Variants in CDR2 observed in about 807,000 individuals in gnomAD.
CDR2 encodes cerebellar degeneration related protein 2, also known as cerebellar degeneration-related protein 2.
In CDR2, 34 loss-of-function variants were observed where a neutral mutation model predicts 48.4. The ratio of observed to expected loss-of-function variants is 0.70; its 90% CI spans 0.53 to 0.94. CDR2 has a LOEUF of 0.94. CDR2 is among the 40% of genes least tolerant of loss of function. The pLI is 0.00. For missense variants in CDR2, 498 were observed against 549.5 expected (o/e 0.91, Z 0.94); for synonymous variants, 240 against 219.7 (o/e 1.09, Z -0.82).
At chr16:22,364,760 G>A in intron 2 of CDR2, 142 bp downstream of exon 2, 1 of 550,320 alleles carries the variant, frequency 1.8e-6, no homozygotes, top group Non-Finnish European at 3.3e-6. Context: ...CTACTCGGGA[G>A]GCGGTTCTCA....
intron 2 of CDR2, among the ~76,000 whole-genome samples, chr16:22,359,105 T>G (rs2048995067): frequency 6.6e-6 from 1 of 152,170 alleles, no homozygotes. Flanking sequence ...CCATACAAAT[T>G]TTTAAAGACT....
Position 22,374,311 on chromosome 16 carries a change from T to C in CDR2, c.-2A>G, listed in dbSNP as rs200157629. On this transcript the variant is annotated 5_prime_UTR_variant, in exon 1 of 5. Transcript: ENST00000268383. ...CTCTACCAGGTTTTCCGCCAGCATCTCGGCTGGGTCTTCTAGGGGCAGCGG... is the reference window on the plus strand; with the variant it reads ...CTCTACCAGGTTTTCCGCCAGCATCCCGGCTGGGTCTTCTAGGGGCAGCGG... 309 of 1,594,886 alleles carry C rather than the reference T, an allele frequency of 1.9e-4. No individual in the cohort carries two copies. The highest frequency in any genetic ancestry group is 2.5e-4 in the Non-Finnish European group (294 of 1,170,968).
chr16:22,357,383 T>G (rs1286689794), intron 2 of CDR2, among the ~76,000 whole-genome samples: 1 of 152,172 alleles, frequency 6.6e-6, no homozygotes, highest in East Asian at 1.9e-4. Flanking sequence ...AAGGCTCTTG[T>G]GTATCTAGTC....
chr16:22,360,280 T>A (rs545310048), intron 2 of CDR2, among the ~76,000 whole-genome samples: 45 of 152,278 alleles, frequency 3.0e-4, no homozygotes, highest in African/African-American at 1.0e-3. Context: ...ATTATCTAAG[T>A]TTTTCAAATT....
At chr16:22,351,232 T>G (rs1480073912) in intron 2 of CDR2, among the ~76,000 whole-genome samples, 16 of 152,264 alleles carry the variant, frequency 1.1e-4, no homozygotes. Flanking sequence ...ATGGTGTACA[T>G]GTGCCACATT....
intron 3 of CDR2, 113 bp downstream of exon 3, chr16:22,349,588 T>G: frequency 7.1e-7 from 1 of 1,415,520 alleles, no homozygotes. Flanking sequence ...CCAAAAAGAA[T>G]TAAATTAAAC....
intron 2 of CDR2, among the ~76,000 whole-genome samples, chr16:22,355,061 T>C (rs1463595574): frequency 6.6e-6 from 1 of 152,206 alleles, no homozygotes; most frequent in Non-Finnish European, 1.5e-5. Flanking sequence ...CGTCCTCCAA[T>C]CATTTTAAAG....
chr16:22,371,544 C>G (rs1021941586), intron 1 of CDR2, among the ~76,000 whole-genome samples: 4 of 152,034 alleles, frequency 2.6e-5, no homozygotes, highest in African/African-American at 9.7e-5. Flanking sequence ...AGGGCCCAGG[C>G]GAATACCTGG....
chr16:22,353,428 T>G (rs1266286495), intron 2 of CDR2, among the ~76,000 whole-genome samples: 1 of 152,180 alleles, frequency 6.6e-6, no homozygotes, highest in Non-Finnish European at 1.5e-5. Context: ...TAATGTGAGT[T>G]CTCCTCATCA....
rs1011551762 is a variant in CDR2, at chr16:22,364,797, T to C, written c.192+105A>G. 11 of 641,122 alleles carry C rather than the reference T, an allele frequency of 1.7e-5. No homozygotes were observed. In the African/African-American group the frequency reaches 2.0e-4, roughly 12 times the overall value. 39.7% of individuals were successfully genotyped at this position (641,122 alleles called of 1,614,324 possible). A position where few individuals can be genotyped will look rare whatever the true frequency, so the allele number is the denominator to read the frequency against. The stretch of plus-strand genomic sequence containing the variant: ...TCTCAAAAAAGTTTGTGTTAAAAAA[T>C]AAAATGCTGCATCTAATTGCAAGTG... On this transcript the variant is annotated intron_variant, in intron 2 of 4. Coordinates refer to ENST00000268383, the MANE Select transcript of CDR2 (RefSeq NM_001802.2).
chr16:22,364,662 A>C (rs940510770), intron 2 of CDR2, among the ~76,000 whole-genome samples: 3 of 152,138 alleles, frequency 2.0e-5, no homozygotes, highest in Non-Finnish European at 4.4e-5. Context: ...CAGGAGTTCG[A>C]GACCAGCCTG....
intron 2 of CDR2, among the ~76,000 whole-genome samples, chr16:22,353,261 G>A (rs749127668): frequency 5.9e-5 from 9 of 152,168 alleles, no homozygotes; most frequent in South Asian, 2.1e-4. Context: ...GTGAAAGGCC[G>A]ATTCATGAAT....
In CDR2 at chr16:22,365,088, A is replaced by T. The variant is rs1029382133; in HGVS notation, c.80-74T>A. 3.1e-6 allele frequency: 3 copies of T among 973,638 alleles called. No individual in the cohort carries two copies. The African/African-American group carries it at 4.8e-5, about 16-fold the overall frequency. 60.3% of individuals were successfully genotyped at this position (973,638 alleles called of 1,614,324 possible). ...CAATTTATATAACCCAGTCCTTCAA[A>T]AAAGAACATGTAGTTTAAGTCACAT... On this transcript the variant is annotated intron_variant, in intron 1 of 4. Coordinates refer to ENST00000268383, the MANE Select transcript of CDR2 (RefSeq NM_001802.2).
At position 22,372,274 on chromosome 16, in the gene CDR2, C is replaced by T. The variant is rs558301752; in HGVS notation, c.79+1957G>A. On this transcript the variant is annotated intron_variant, in intron 1 of 4. Transcript: ENST00000268383. Reference sequence around the variant, plus strand: ...ACCCTGACACGTTGCACTTGCTGCTCGGTAGATTGAAGTGTTACAGCTGTT... The same window carrying T: ...ACCCTGACACGTTGCACTTGCTGCTTGGTAGATTGAAGTGTTACAGCTGTT... 2.6e-5 allele frequency among the ~76,000 whole-genome samples: 4 copies of T among 152,256 alleles called. No individual in the cohort carries two copies. The South Asian group carries it at 6.2e-4, about 24-fold the overall frequency.
At chr16:22,368,892 G>C (rs917658270) in intron 1 of CDR2, 5 of 152,142 alleles carry the variant, frequency 3.3e-5, no homozygotes, top group African/African-American at 1.2e-4. Flanking sequence ...ACAACCCCAG[G>C]CAAGTTAATA....
chr16:22,374,388 T>TCCGCCCTCAGCCAGAG lies in CDR2; in HGVS notation c.-95_-80dup. ...CTGCCCCGGGCTCTTCCCCGGCCCC[T>TCCGCCCTCAGCCAGAG]CCGCCCTCAGCCAGAGCCGCCCTCG... On this transcript the variant is annotated 5_prime_UTR_variant, in exon 1 of 5. Coordinates refer to ENST00000268383, the MANE Select transcript of CDR2 (RefSeq NM_001802.2). The TCCGCCCTCAGCCAGAG allele has an allele frequency of 4.2e-6, 4 of 961,454 alleles. No homozygotes were observed. The Admixed American group carries it at 1.1e-4, about 26-fold the overall frequency. 59.6% of individuals were successfully genotyped at this position (961,454 alleles called of 1,614,324 possible). A position where few individuals can be genotyped will look rare whatever the true frequency, so the allele number is the denominator to read the frequency against.
chr16:22,349,935 T>A (rs2048931493), intron 2 of CDR2, 86 bp from the exon 3 acceptor site: 13 of 1,298,902 alleles, frequency 1.0e-5, no homozygotes, highest in Admixed American at 5.5e-5. Context: ...ACGCCTGTAA[T>A]CCCAGCACTT....
chr16:22,373,354 G>A (rs537377531), intron 1 of CDR2, among the ~76,000 whole-genome samples: 1 of 152,286 alleles, frequency 6.6e-6, no homozygotes, highest in South Asian at 2.1e-4. Context: ...TTCTTCTGTC[G>A]TTTCAATTGG....
rs1323754538 is a variant in CDR2, at chr16:22,349,362, T to C, written c.423A>G (p.Gln141=). 2 of 1,614,196 alleles carry C rather than the reference T, an allele frequency of 1.2e-6. No homozygotes were observed. The highest frequency in any genetic ancestry group is 1.7e-6 in the Non-Finnish European group (2 of 1,180,040). ...CACACTTTCCCGGGCTCCTTCTCCC[T>C]TGGCCAGATGACTTCAGCTCCTCCA... The part of the protein sequence containing the change: ...SQVEELKSSG[Q]GRRSPGKCDQ... The change falls in exon 4 of 5, where the codon CAA becomes CAG. Residue 141 remains glutamine (Q), a synonymous_variant. Coordinates refer to ENST00000268383, the MANE Select transcript of CDR2 (RefSeq NM_001802.2).
Sources: allele counts gnomAD v4.1 joint callset (sites outside exome capture counted in the v4.1 genomes callset), GRCh38; gene constraint gnomAD v4.1.1; transcripts MANE v1.5; gene names NCBI Gene and HGNC (gene_info 2026-07-23, HGNC 2026-07-21).